TRHDE: variants seen among roughly 807,000 people sequenced by gnomAD.
The protein encoded by TRHDE is thyrotropin-releasing hormone-degrading ectoenzyme.
A neutral mutation model predicts 125.7 loss-of-function variants in TRHDE; 72 were observed. That is an observed-to-expected ratio of 0.57 (90% confidence interval 0.47 to 0.70). TRHDE has a LOEUF of 0.70. Ranked by LOEUF, TRHDE falls within the 30% of genes least tolerant of loss-of-function variation. TRHDE has a pLI of 0.00. For synonymous variants in TRHDE, 509 were observed against 509.1 expected (o/e 1.00, Z 0.00); for missense variants, 1,110 against 1,327.1 (o/e 0.84, Z 2.54).
chr12:72,264,905 G>A (rs1218625082), intron 2 of TRHDE, among the ~76,000 whole-genome samples: 8 of 144,818 alleles, frequency 5.5e-5, no homozygotes, highest in Non-Finnish European at 9.2e-5. Flanking sequence ...TAGGTTCATT[G>A]TTTTTTTTTT....
At chr12:72,201,604 A>G (rs916973343) in intron 2 of TRHDE, among the ~76,000 whole-genome samples, 1 of 152,076 alleles carries the variant, frequency 6.6e-6, no homozygotes, top group Non-Finnish European at 1.5e-5. Flanking sequence ...CTGGGAGGTG[A>G]TAAAACATGC....
intron 15 of TRHDE, among the ~76,000 whole-genome samples, chr12:72,639,123 C>G (rs1308536690): frequency 2.0e-5 from 3 of 151,142 alleles, no homozygotes; most frequent in Admixed American, 6.6e-5. Context: ...TCCATTCTCC[C>G]CATCACTTTC....
At chr12:72,187,310 AACACAC>A (rs59164233) in intron 2 of TRHDE, among the ~76,000 whole-genome samples, 7,285 of 131,228 alleles carry the variant, frequency 0.056, 416 homozygotes, top group African/African-American at 0.16. Context: ...AGAGAAACAC[AACACAC>A]ACACACACAC....
chr12:72,660,392 A>C (rs1874869870), intron 18 of TRHDE, among the ~76,000 whole-genome samples: 1 of 152,208 alleles, frequency 6.6e-6, no homozygotes, highest in South Asian at 2.1e-4. Flanking sequence ...CTGGTGGAGC[A>C]GAGTGTTCCC....
chr12:72,112,091 A>C (rs563938306), intron 2 of TRHDE, among the ~76,000 whole-genome samples: 1 of 152,250 alleles, frequency 6.6e-6, no homozygotes, highest in Admixed American at 6.5e-5. Flanking sequence ...AGATTCGCTC[A>C]TTATCTACCT....
intron 18 of TRHDE, among the ~76,000 whole-genome samples, chr12:72,662,053 C>T (rs569079654): frequency 6.6e-6 from 1 of 152,152 alleles, no homozygotes; most frequent in African/African-American, 2.4e-5. Context: ...AAAGTTATAA[C>T]CGCATTTTAA....
chr12:72,171,575 G>C lies in TRHDE; in HGVS notation n.279+65823G>C, dbSNP rs1438056545. On this transcript the variant is annotated intron_variant and non_coding_transcript_variant, in intron 2 of 4. Transcript: ENST00000548156. Reference sequence around the variant, plus strand: ...TGAAAGATTGTGCCCAGATGTCCTGGTCCATTTCTGAGGGTGCGCCTATAT... The same window carrying C: ...TGAAAGATTGTGCCCAGATGTCCTGCTCCATTTCTGAGGGTGCGCCTATAT... Among the ~76,000 whole-genome samples, 3 of 152,126 alleles carry C rather than the reference G, an allele frequency of 2.0e-5. No homozygotes were observed. The East Asian group carries it at 5.8e-4, about 29-fold the overall frequency.
In TRHDE at chr12:72,670,329, T is replaced by G. The variant is rs114027151; in HGVS notation, c.*7134T>G. 0.01 allele frequency: 1,573 copies of G among 151,822 alleles called. 27 individuals carry two copies. Among genetic ancestry groups the G allele is most frequent in the African/African-American group, 0.036 (1,499 of 41,514 alleles). 9.4% of individuals were successfully genotyped at this position (151,822 alleles called of 1,614,324 possible). A position where few individuals can be genotyped will look rare whatever the true frequency, so the allele number is the denominator to read the frequency against. ...TCAGTAAAAATTGAATTAGTACGTA[T>G]TCAACATGAAATTTTTAGTCTTTTC... On this transcript the variant is annotated 3_prime_UTR_variant, in exon 19 of 19. Coordinates refer to ENST00000261180, the MANE Select transcript of TRHDE (RefSeq NM_013381.3).
At chr12:72,378,620 CA>C (rs1428259575) in intron 3 of TRHDE, among the ~76,000 whole-genome samples, 1 of 152,126 alleles carries the variant, frequency 6.6e-6, no homozygotes, top group Admixed American at 6.5e-5. Flanking sequence ...TTTCTCCTTC[CA>C]AATTTTCACA....
At chr12:72,583,113 G>A (rs1177012838) in intron 12 of TRHDE, among the ~76,000 whole-genome samples, 1 of 152,134 alleles carries the variant, frequency 6.6e-6, no homozygotes, top group Admixed American at 6.5e-5. Context: ...GTCCATGTAT[G>A]GTTATAGCTC....
chr12:72,186,867 A>G (rs1877226754), intron 2 of TRHDE, among the ~76,000 whole-genome samples: 1 of 151,568 alleles, frequency 6.6e-6, no homozygotes, highest in Non-Finnish European at 1.5e-5. Context: ...ATTAGATTCC[A>G]TTAGATTTTT....
At chr12:72,656,449 G>A (rs1874712146) in intron 17 of TRHDE, among the ~76,000 whole-genome samples, 1 of 152,030 alleles carries the variant, frequency 6.6e-6, no homozygotes, top group Admixed American at 6.6e-5. Context: ...CAATTTCTAA[G>A]AATAAAATAA....
chr12:72,372,345 G>T (rs1871641864), intron 2 of TRHDE, among the ~76,000 whole-genome samples: 1 of 152,118 alleles, frequency 6.6e-6, no homozygotes, highest in Admixed American at 6.5e-5. Context: ...TAGGTTGCCT[G>T]TTCACTCTGA....
intron 12 of TRHDE, among the ~76,000 whole-genome samples, chr12:72,581,249 G>T (rs1013958244): frequency 1.3e-5 from 2 of 152,158 alleles, no homozygotes; most frequent in African/African-American, 2.4e-5. Context: ...ATATTTAAAA[G>T]ATTTGCAATA....
At chr12:72,094,485 T>C (rs1207636766) in intron 1 of TRHDE, among the ~76,000 whole-genome samples, 2 of 152,220 alleles carry the variant, frequency 1.3e-5, no homozygotes, top group Non-Finnish European at 2.9e-5. Flanking sequence ...CAGGCTCTTT[T>C]GGATCTGCTA....
At chr12:72,388,966 T>G (rs1277636110) in intron 3 of TRHDE, among the ~76,000 whole-genome samples, 1 of 151,796 alleles carries the variant, frequency 6.6e-6, no homozygotes, top group Non-Finnish European at 1.5e-5. Flanking sequence ...CTATTGAATA[T>G]CCTTATGTAC....
chr12:72,355,015 C>T (rs1450039911), intron 2 of TRHDE, among the ~76,000 whole-genome samples: 1 of 151,312 alleles, frequency 6.6e-6, no homozygotes, highest in Admixed American at 6.6e-5. Context: ...GTCATTTGGC[C>T]AATATTGATT....
At chr12:72,627,105 T>G (rs560944144) in intron 15 of TRHDE, among the ~76,000 whole-genome samples, 1 of 151,988 alleles carries the variant, frequency 6.6e-6, no homozygotes, top group South Asian at 2.1e-4. Flanking sequence ...GCCCTTCCAA[T>G]GAGCTGGGCT....
chr12:72,477,032 A>G (rs1436029065), intron 5 of TRHDE, among the ~76,000 whole-genome samples: 1 of 152,144 alleles, frequency 6.6e-6, no homozygotes, highest in South Asian at 2.1e-4. Context: ...ATAGATTGGA[A>G]ATAAGAAGCT....
Sources: allele counts gnomAD v4.1 joint callset (sites outside exome capture counted in the v4.1 genomes callset), GRCh38; gene constraint gnomAD v4.1.1; transcripts MANE v1.5; gene names NCBI Gene and HGNC (gene_info 2026-07-23, HGNC 2026-07-21).